Variants in ASF1A observed in about 807,000 individuals in gnomAD.
The protein encoded by ASF1A is anti-silencing function 1A histone chaperone, also known as histone chaperone ASF1A.
Under a neutral mutation model 22.0 loss-of-function variants are expected in ASF1A, and 5 were observed. The observed-to-expected ratio is 0.23, with a 90% CI of 0.12 to 0.48. ASF1A has a LOEUF of 0.48. ASF1A is among the 20% of genes least tolerant of loss of function. The pLI is 0.99. For synonymous variants in ASF1A, 97 were observed against 86.7 expected (o/e 1.12, Z -0.66); for missense variants, 137 against 240.6 (o/e 0.57, Z 2.85).
chr6:118,905,026 T>C (rs1256695833), intron 2 of ASF1A, among the ~76,000 whole-genome samples: 1 of 152,116 alleles, frequency 6.6e-6, no homozygotes, highest in Admixed American at 6.5e-5. Flanking sequence ...TTAATAGAGA[T>C]GGGGTTTCAT....
At chr6:118,895,695 C>T (rs1217406957) in intron 1 of ASF1A, among the ~76,000 whole-genome samples, 1 of 152,066 alleles carries the variant, frequency 6.6e-6, no homozygotes, top group African/African-American at 2.4e-5. Context: ...CTTTAATTAT[C>T]TTTTACTAAA....
chr6:118,900,001 T>C (rs1450987808), intron 1 of ASF1A, among the ~76,000 whole-genome samples: 4 of 152,262 alleles, frequency 2.6e-5, no homozygotes, highest in Admixed American at 6.5e-5. Flanking sequence ...ACAGAACACA[T>C]TGTAAAACAT....
chr6:118,894,178 C>CA lies in ASF1A; in HGVS notation c.-234dup. On this transcript the variant is annotated 5_prime_UTR_variant, in exon 1 of 4. Coordinates refer to ENST00000229595, the MANE Select transcript of ASF1A (RefSeq NM_014034.3). ...GAACTCGGGTGCAGCCAATCGAGGG[C>CA]AACGCTGCTACTTATCAGAGCAGAA... The CA allele has an allele frequency of 7.8e-7, 1 of 1,289,080 alleles. No individual in the cohort carries two copies. Among genetic ancestry groups the CA allele is most frequent in the East Asian group, 3.2e-5 (1 of 31,336 alleles). 79.9% of individuals were successfully genotyped at this position (1,289,080 alleles called of 1,614,324 possible).
rs7765016 is a variant in ASF1A, at chr6:118,907,908, G to T, written c.*294G>T. 1,672 of 232,456 alleles carry T rather than the reference G, an allele frequency of 7.2e-3. 31 individuals carry two copies. Among genetic ancestry groups the T allele is most frequent in the African/African-American group, 0.036 (1,556 of 43,666 alleles). The allele number at this position is 232,456 out of a possible 1,614,324, so 14.4% of individuals were successfully genotyped here. On this transcript the variant is annotated 3_prime_UTR_variant, in exon 4 of 4. Coordinates refer to ENST00000229595, the MANE Select transcript of ASF1A (RefSeq NM_014034.3). ...TAATGAAAGCACTTATAAAGAAACA[G>T]GAATCATTAGACCAGGTTGTAAAGA...
chr6:118,894,591 G>C, intron 1 of ASF1A, 69 bp downstream of exon 1: 2 of 1,349,392 alleles, frequency 1.5e-6, no homozygotes, highest in Non-Finnish European at 2.0e-6. Context: ...TCCCGGGCCG[G>C]GCCTCGCGCT....
At position 118,907,731 on chromosome 6, in the gene ASF1A, T is replaced by C; in HGVS notation, c.*117T>C. 1.3e-6 allele frequency: 1 copy of C among 754,174 alleles called. No homozygotes were observed. Among genetic ancestry groups the C allele is most frequent in the South Asian group, 2.1e-5 (1 of 46,718 alleles). The allele number at this position is 754,174 out of a possible 1,614,324, so 46.7% of individuals were successfully genotyped here. ...GTGAAGAATTTGTTTAAAAACATCCTGTAGAAAGTTTATAAGAAAACCAGT... is the reference window on the plus strand; with the variant it reads ...GTGAAGAATTTGTTTAAAAACATCCCGTAGAAAGTTTATAAGAAAACCAGT... On this transcript the variant is annotated 3_prime_UTR_variant, in exon 4 of 4. Transcript: ENST00000229595.
rs780947972 is a variant in ASF1A, at chr6:118,907,663, A to T, written c.*49A>T. The T allele has an allele frequency of 9.1e-6, 13 of 1,434,626 alleles. No homozygotes were observed. Among genetic ancestry groups the T allele is most frequent in the South Asian group, 5.9e-5 (5 of 84,326 alleles). 88.9% of individuals were successfully genotyped at this position (1,434,626 alleles called of 1,614,324 possible). ...AATTAAGCTATTAAAAATACACAGA[A>T]CTATTTCCCTGAAATTCCGTAAGTA... On this transcript the variant is annotated 3_prime_UTR_variant, in exon 4 of 4. Transcript: ENST00000229595.
intron 1 of ASF1A, 112 bp from the exon 2 acceptor site, chr6:118,900,651 TGAG>T: frequency 1.4e-6 from 1 of 740,002 alleles, no homozygotes; most frequent in Non-Finnish European, 2.4e-6. Context: ...TGGATTGCTA[TGAG>T]AAGCCAATTT....
At chr6:118,897,835 AAAC>A (rs1044930027) in intron 1 of ASF1A, among the ~76,000 whole-genome samples, 5 of 152,050 alleles carry the variant, frequency 3.3e-5, no homozygotes, top group East Asian at 1.9e-4. Flanking sequence ...TTAAAAAAAA[AAAC>A]AACAAAAAAA....
At chr6:118,898,425 AT>A (rs34394511) in intron 1 of ASF1A, among the ~76,000 whole-genome samples, 28,127 of 140,382 alleles carry the variant, frequency 0.2, 2,784 homozygotes, top group African/African-American at 0.31. Context: ...TTATGTAATA[AT>A]TTTTTTTTTT....
chr6:118,897,052 T>C (rs1319267902), intron 1 of ASF1A, among the ~76,000 whole-genome samples: 1 of 152,132 alleles, frequency 6.6e-6, no homozygotes, highest in Non-Finnish European at 1.5e-5. Context: ...TTGCCCAAGC[T>C]GGTCTCGAAC....
chr6:118,897,339 G>C (rs561664558), intron 1 of ASF1A, among the ~76,000 whole-genome samples: 1 of 151,994 alleles, frequency 6.6e-6, no homozygotes, highest in African/African-American at 2.4e-5. Flanking sequence ...TTCTAATATA[G>C]GGCTTATATC....
At chr6:118,894,615 C>T in intron 1 of ASF1A, 93 bp downstream of exon 1, 1 of 1,086,420 alleles carries the variant, frequency 9.2e-7, no homozygotes. Context: ...CGGCTGTGTT[C>T]GGCGCCTGGC....
At chr6:118,897,442 T>TTATATA (rs34389809) in intron 1 of ASF1A, among the ~76,000 whole-genome samples, 46 of 151,178 alleles carry the variant, frequency 3.0e-4, no homozygotes, top group African/African-American at 1.1e-3. Flanking sequence ...ATTCTTAAAT[T>TTATATA]TATATATATA....
intron 1 of ASF1A, 148 bp from the exon 2 acceptor site, chr6:118,900,618 T>C: frequency 1.6e-6 from 1 of 629,094 alleles, no homozygotes; most frequent in East Asian, 2.6e-5. Flanking sequence ...AGGAACTTTA[T>C]AAGGAGCATT....
chr6:118,896,953 T>G (rs928667794), intron 1 of ASF1A, among the ~76,000 whole-genome samples: 10 of 152,100 alleles, frequency 6.6e-5, no homozygotes, highest in Admixed American at 5.9e-4. Context: ...TCCTCCCACC[T>G]TAGCCTCCTG....
chr6:118,904,605 T>C (rs1780045596), intron 2 of ASF1A, among the ~76,000 whole-genome samples: 1 of 152,240 alleles, frequency 6.6e-6, no homozygotes. Context: ...GCTCTTAGTC[T>C]AGTCTAACTC....
intron 2 of ASF1A, among the ~76,000 whole-genome samples, chr6:118,902,207 T>G (rs915410170): frequency 6.6e-6 from 1 of 152,190 alleles, no homozygotes; most frequent in South Asian, 2.1e-4. Flanking sequence ...GTTATAGATA[T>G]AGGTCAAATC....
Position 118,907,589 on chromosome 6 carries a change from T to C in ASF1A, c.590T>C (p.Leu197Ser). ...TCAGAAAACTCACTAAATGTCATGT[T>C]AGAATCCCACATGGACTGCATGTGA... ...STSENSLNVM[L>S]ESHMDCM is the part of the protein sequence containing the mutation. The change falls in exon 4 of 4, where the codon TTA (leucine) becomes TCA (serine). Residue 197 changes from leucine to serine, a missense_variant. Physicochemically the swap from Leu to Ser is moderately radical, Grantham distance 145. Around this residue, in one of 2 missense-constraint regions of ASF1A, gnomAD observed 41 missense variants for 43.9 expected, o/e 0.93. Transcript: ENST00000229595. 1 of 1,613,662 alleles carries C rather than the reference T, an allele frequency of 6.2e-7. No individual in the cohort carries two copies. Among genetic ancestry groups the C allele is most frequent in the South Asian group, 1.1e-5 (1 of 91,080 alleles).
Sources: gnomAD v4.1 joint callset for allele counts (sites outside exome capture counted in the v4.1 genomes callset) on GRCh38, gnomAD v4.1.1 for gene constraint, gnomAD v4.1.1 regional missense constraint, MANE v1.5 for transcripts, NCBI Gene and HGNC (gene_info 2026-07-23, HGNC 2026-07-21) for gene names.